MAST4: variants seen among roughly 807,000 people sequenced by gnomAD.
MAST4 encodes microtubule associated serine/threonine kinase family member 4.
In MAST4, 89 loss-of-function variants were observed where a neutral mutation model predicts 162.7. The ratio of observed to expected loss-of-function variants is 0.55; its 90% confidence interval spans 0.46 to 0.65. The LOEUF is 0.65. Ranked by LOEUF, MAST4 falls within the 30% of genes least tolerant of loss-of-function variation. The pLI is 0.00. For missense variants in MAST4, 3,153 were observed against 3,374.0 expected, an observed-to-expected ratio of 0.93 and a Z score of 1.62; for synonymous variants, 1,479 against 1,361.1, an observed-to-expected ratio of 1.09 and a Z score of -1.91.
chr5:67,071,603 T>C (rs1337660671), intron 5 of MAST4, among the ~76,000 whole-genome samples: 2 of 152,040 alleles, frequency 1.3e-5, no homozygotes, highest in Non-Finnish European at 2.9e-5. Flanking sequence ...CTACTAAAGA[T>C]ACAAAAATTA....
intron 5 of MAST4, among the ~76,000 whole-genome samples, chr5:67,061,247 G>C (rs990791458): frequency 2.6e-5 from 4 of 152,172 alleles, no homozygotes; most frequent in Non-Finnish European, 5.9e-5. Context: ...AAATAGTACA[G>C]TGTTGAAGAG....
At chr5:66,954,136 C>G (rs1745019338) in intron 4 of MAST4, among the ~76,000 whole-genome samples, 1 of 152,088 alleles carries the variant, frequency 6.6e-6, no homozygotes, top group African/African-American at 2.4e-5. Context: ...AAACCAATGT[C>G]CCCCCACAAC....
At chr5:66,871,240 C>A (rs1244004779) in intron 3 of MAST4, among the ~76,000 whole-genome samples, 1 of 152,046 alleles carries the variant, frequency 6.6e-6, no homozygotes, top group Non-Finnish European at 1.5e-5. Context: ...TTGATGTAAA[C>A]CCTCTTAAAA....
intron 5 of MAST4, among the ~76,000 whole-genome samples, chr5:67,061,525 T>TA (rs1440365826): frequency 1.3e-5 from 2 of 152,210 alleles, no homozygotes; most frequent in Non-Finnish European, 2.9e-5. Flanking sequence ...GTTTTTTTTT[T>TA]ACTAATAGAA....
chr5:66,915,059 T>C (rs1017813237), intron 4 of MAST4, among the ~76,000 whole-genome samples: 2 of 151,592 alleles, frequency 1.3e-5, no homozygotes, highest in Non-Finnish European at 2.9e-5. Flanking sequence ...AGTTCAGGAG[T>C]TGGAGACCAG....
chr5:66,849,909 ACT>A (rs1371770296), intron 3 of MAST4, among the ~76,000 whole-genome samples: 4 of 152,044 alleles, frequency 2.6e-5, no homozygotes, highest in Non-Finnish European at 4.4e-5. Context: ...AATAGAGGAG[ACT>A]CTCTCAAGGT....
chr5:66,984,460 T>G (rs951460276), intron 4 of MAST4, among the ~76,000 whole-genome samples: 1 of 152,212 alleles, frequency 6.6e-6, no homozygotes. Context: ...TTGATATTTT[T>G]ATTTTTTTGT....
intron 3 of MAST4, among the ~76,000 whole-genome samples, chr5:66,880,460 C>T (rs1292883423): frequency 6.6e-6 from 1 of 152,100 alleles, no homozygotes; most frequent in Admixed American, 6.5e-5. Context: ...TTTTTTTAAA[C>T]ATAAAGAAAT....
chr5:67,002,638 C>T (rs1363931), intron 4 of MAST4, among the ~76,000 whole-genome samples: 8,006 of 152,168 alleles, frequency 0.053, 656 homozygotes, highest in African/African-American at 0.18. Context: ...TACATTTATG[C>T]GCAGTGTGTG....
intron 19 of MAST4, among the ~76,000 whole-genome samples, chr5:67,141,234 G>A (rs1770374759): frequency 6.6e-6 from 1 of 152,180 alleles, no homozygotes; most frequent in Non-Finnish European, 1.5e-5. Context: ...TGGCAGGGAG[G>A]CTGATTAGTC....
At chr5:66,778,731 C>T (rs542726612) in intron 2 of MAST4, among the ~76,000 whole-genome samples, 49 of 152,220 alleles carry the variant, frequency 3.2e-4, no homozygotes, top group Non-Finnish European at 6.8e-4. Flanking sequence ...ATCTTTGAAT[C>T]ACCTTGCCAT....
At chr5:66,816,294 C>A (rs944560428) in intron 3 of MAST4, among the ~76,000 whole-genome samples, 10 of 151,862 alleles carry the variant, frequency 6.6e-5, no homozygotes, top group African/African-American at 2.4e-4. Flanking sequence ...CAAGACAATT[C>A]TTCTTCCGAT....
intron 3 of MAST4, among the ~76,000 whole-genome samples, chr5:66,867,445 A>G (rs1414914876): frequency 1.3e-5 from 2 of 152,234 alleles, no homozygotes; most frequent in Non-Finnish European, 2.9e-5. Flanking sequence ...ACAATAATTT[A>G]TTTAAAAAGT....
At chr5:66,732,371 C>T (rs1751907682) in intron 1 of MAST4, among the ~76,000 whole-genome samples, 1 of 152,102 alleles carries the variant, frequency 6.6e-6, no homozygotes, top group Admixed American at 6.5e-5. Flanking sequence ...TTCAGGCTTC[C>T]CCAGTTTGCC....
intron 3 of MAST4, among the ~76,000 whole-genome samples, chr5:66,802,267 T>C (rs527282650): frequency 2.0e-5 from 3 of 152,286 alleles, no homozygotes; most frequent in South Asian, 4.1e-4. Context: ...AGCATGATTC[T>C]CTCTGTATTC....
intron 1 of MAST4, among the ~76,000 whole-genome samples, chr5:66,744,010 T>C (rs1242693081): frequency 6.6e-6 from 1 of 152,144 alleles, no homozygotes; most frequent in Admixed American, 6.5e-5. Flanking sequence ...GGCCACTTTC[T>C]TCTCTTTTCC....
At chr5:66,694,788 A>G (rs35493257) in intron 1 of MAST4, among the ~76,000 whole-genome samples, 16,519 of 152,168 alleles carry the variant, frequency 0.11, 989 homozygotes, top group East Asian at 0.26. Context: ...CGCCCAGCCA[A>G]TCTTGAGCTT....
intron 3 of MAST4, among the ~76,000 whole-genome samples, chr5:66,843,860 A>G (rs1413317578): frequency 6.6e-6 from 1 of 152,094 alleles, no homozygotes; most frequent in Non-Finnish European, 1.5e-5. Context: ...GCGGTTGCAC[A>G]AAGTAATGGA....
intron 2 of MAST4, among the ~76,000 whole-genome samples, chr5:66,782,662 C>T (rs1261924075): frequency 6.6e-6 from 1 of 152,154 alleles, no homozygotes; most frequent in Non-Finnish European, 1.5e-5. Flanking sequence ...ATTTTGGAAA[C>T]ATTTTTCCAA....
Sources: allele counts gnomAD v4.1 joint callset (sites outside exome capture counted in the v4.1 genomes callset), GRCh38; gene constraint gnomAD v4.1.1; transcripts MANE v1.5; gene names NCBI Gene and HGNC (gene_info 2026-07-23, HGNC 2026-07-21).